SLC25A41: variants seen among roughly 807,000 people sequenced by gnomAD.
SLC25A41 encodes mitochondrial carrier protein SCaMC-3L.
In SLC25A41, 35 loss-of-function variants were observed where a neutral mutation model predicts 34.7. The ratio of observed to expected loss-of-function variants is 1.01; its 90% CI spans 0.77 to 1.34. SLC25A41 has a LOEUF of 1.34. Among genes scored for constraint, SLC25A41 ranks in the 40% most tolerant of loss-of-function variants. The pLI is 0.00. For missense variants in SLC25A41, 492 were observed against 489.8 expected (o/e 1.00, Z -0.04); for synonymous variants, 190 against 209.9 (o/e 0.91, Z 0.82).
Position 6,430,075 on chromosome 19 carries a change from C to A in SLC25A41, c.450G>T (p.Arg150=). 1 of 1,613,362 alleles carries A rather than the reference C, an allele frequency of 6.2e-7. No individual in the cohort carries two copies. Among genetic ancestry groups the A allele is most frequent in the Non-Finnish European group, 8.5e-7 (1 of 1,179,642 alleles). ...VQEGGFRSLW[R]GNGINVLKIA... ...TCTTGAGCACGTTGATGCCGTTGCC[C>A]CGCCACAGGGAGCGGAAGCCGCCCT... Residue 150 remains arginine (R), a synonymous_variant, in exon 3 of 7, where the codon CGG becomes CGT. Coordinates refer to ENST00000321510, the MANE Select transcript of SLC25A41 (RefSeq NM_173637.4).
Position 6,427,436 on chromosome 19 carries a change from C to T in SLC25A41, c.690G>A (p.Arg230=), listed in dbSNP as rs1487232444. ...GQYKGLLDCA[R]QILQREGTRA... is the part of the protein sequence containing the mutation. ...GGGTGCCCTCTCGCTGCAAGATCTG[C>T]CTGGCGCAGTCCAGCAGCCCCTTGT... Residue 230 remains arginine (R), a synonymous_variant, in exon 5 of 7, where the codon AGG becomes AGA. Transcript: ENST00000321510. This position sits in a 1 kb window ranked among gnomAD's most constrained non-coding sequence, Gnocchi z 4.9. 2 of 1,606,948 alleles carry T rather than the reference C, an allele frequency of 1.2e-6. No homozygotes were observed. Among genetic ancestry groups the T allele is most frequent in the African/African-American group, 1.3e-5 (1 of 74,834 alleles).
rs576265949 is a variant in SLC25A41 at position 6,426,516 on chromosome 19, C to T, written c.986G>A (p.Arg329Gln). 297 of 1,613,428 alleles carry T rather than the reference C, an allele frequency of 1.8e-4. No individual in the cohort carries two copies. Among genetic ancestry groups the T allele is most frequent in the Non-Finnish European group, 2.2e-4 (259 of 1,179,792 alleles). ...TAGCCAGCCCTGCTGGGCCAGGATCCGCTGGAGGACTCCGCGCATGGTGGG... is the reference window on the plus strand; with the variant it reads ...TAGCCAGCCCTGCTGGGCCAGGATCTGCTGGAGGACTCCGCGCATGGTGGG... ...SNPTMRGVLQ[R>Q]ILAQQGWLGL... Residue 329 changes from arginine to glutamine, a missense_variant, in exon 7 of 7, where the codon CGG becomes CAG. Arg to Gln is a conservative substitution (Grantham distance 43). Coordinates refer to ENST00000321510, the MANE Select transcript of SLC25A41 (RefSeq NM_173637.4).
At position 6,429,971 on chromosome 19, in the gene SLC25A41, G is replaced by C. The variant is rs780664176; in HGVS notation, c.516+38C>G. 16 of 1,604,732 alleles carry C rather than the reference G, an allele frequency of 1.0e-5. No individual in the cohort carries two copies. The South Asian group carries it at 1.7e-4, about 17-fold the overall frequency. On this transcript the variant is annotated intron_variant, in intron 3 of 6. Coordinates refer to ENST00000321510, the MANE Select transcript of SLC25A41 (RefSeq NM_173637.4). Reference sequence around the variant, plus strand: ...AGTTTTGGGGGCATGGGAGGGGTTTGGGCTTGAGCTGGGGGAAGCAGGCCC... The same window carrying C: ...AGTTTTGGGGGCATGGGAGGGGTTTCGGCTTGAGCTGGGGGAAGCAGGCCC...
At chr19:6,433,437 C>T (rs1453133781) in intron 1 of SLC25A41, 50 bp downstream of exon 1, 2 of 1,580,720 alleles carry the variant, frequency 1.3e-6, no homozygotes, top group African/African-American at 2.7e-5. Flanking sequence ...CTGGCCTCTC[C>T]CTGTAGTCCT....
chr19:6,431,988 C>G, intron 2 of SLC25A41, 61 bp downstream of exon 2: 1 of 1,561,870 alleles, frequency 6.4e-7, no homozygotes, highest in Non-Finnish European at 8.7e-7. Flanking sequence ...TCTGTCCTCA[C>G]CCCACGTTCT....
At chr19:6,433,896 A>T, upstream of SLC25A41, 1 of 473,648 alleles carries the variant, frequency 2.1e-6, no homozygotes. Flanking sequence ...CCCCAAACCA[A>T]TAAATATGTT....
intron 2 of SLC25A41, 45 bp downstream of exon 2, chr19:6,432,004 G>A (rs1184339198): frequency 1.3e-6 from 2 of 1,576,526 alleles, no homozygotes; most frequent in Non-Finnish European, 1.7e-6. Flanking sequence ...GTTCTCCCCA[G>A]TGGCTCCAGC....
rs753202653 is a variant in SLC25A41 at position 6,432,176 on chromosome 19, A to C, written c.236T>G (p.Val79Gly). 1 of 1,613,778 alleles carries C rather than the reference A, an allele frequency of 6.2e-7. No homozygotes were observed. The highest frequency in any genetic ancestry group is 1.7e-5 in the Admixed American group (1 of 59,978). Residue 79 changes from valine (V) to glycine (G), a missense_variant, in exon 2 of 7, where the codon GTC becomes GGC. Val to Gly is a moderately radical substitution (Grantham distance 109). Coordinates refer to ENST00000321510, the MANE Select transcript of SLC25A41 (RefSeq NM_173637.4). ...ATCCACTTCCAGGACTTCCACGGGGACCATCAGCTGCTCTCCTGTGTCCAG... is the reference window on the plus strand; with the variant it reads ...ATCCACTTCCAGGACTTCCACGGGGCCCATCAGCTGCTCTCCTGTGTCCAG... ...QVLDTGEQLM[V>G]PVEVLEVDNK...
chr19:6,433,822 T>C (rs1599261582), upstream of SLC25A41: 5 of 744,800 alleles, frequency 6.7e-6, no homozygotes, highest in East Asian at 1.4e-4. Flanking sequence ...AACGCCCCTG[T>C]GACCTTCCTA....
Position 6,432,012 on chromosome 19 carries a change from A to C in SLC25A41, c.363+37T>G, listed in dbSNP as rs761500142. 7.6e-6 allele frequency: 12 copies of C among 1,583,564 alleles called. No homozygotes were observed. The Admixed American group carries it at 2.1e-4, about 28-fold the overall frequency. ...ACCCCACGTTCTCCCCAGTGGCTCC[A>C]GCGCTGGGTCCCGTCCTCCCCCCAA... On this transcript the variant is annotated intron_variant, in intron 2 of 6. Transcript: ENST00000321510.
intron 4 of SLC25A41, 32 bp downstream of exon 4, chr19:6,429,691 GT>G: frequency 6.7e-7 from 1 of 1,501,408 alleles, no homozygotes; most frequent in Non-Finnish European, 9.0e-7. Flanking sequence ...TTTCCACGGC[GT>G]TTCCTCACCT....
At chr19:6,432,943 C>T (rs1435254359) in intron 1 of SLC25A41, among the ~76,000 whole-genome samples, 1 of 152,108 alleles carries the variant, frequency 6.6e-6, no homozygotes, top group Non-Finnish European at 1.5e-5. Context: ...GCTGGGATTA[C>T]AGGTGTGAGC....
Position 6,427,047 on chromosome 19 carries a change from C to T in SLC25A41, c.940+56G>A. ...GTTTTGGGGTATGAGAAAATTGAGA[C>T]AGCCAGGGTGGGGCGGGGAAGGGGC... On this transcript the variant is annotated intron_variant, in intron 6 of 6. Coordinates refer to ENST00000321510, the MANE Select transcript of SLC25A41 (RefSeq NM_173637.4). This position sits in a 1 kb window ranked among gnomAD's most constrained non-coding sequence, Gnocchi z 4.9. The T allele has an allele frequency of 2.0e-6, 3 of 1,534,654 alleles. No individual in the cohort carries two copies. The highest frequency in any genetic ancestry group is 2.6e-6 in the Non-Finnish European group (3 of 1,135,756).
In SLC25A41 at chr19:6,429,075, A is replaced by T. The variant is rs1343537407; in HGVS notation, c.624+649T>A. On this transcript the variant is annotated intron_variant, in intron 4 of 6. Coordinates refer to ENST00000321510, the MANE Select transcript of SLC25A41 (RefSeq NM_173637.4). ...TATATATATGTTATATATATATATA[A>T]TATATATATTATATATATGTTACAT... Among the ~76,000 whole-genome samples, 322 of 53,702 alleles carry T rather than the reference A, an allele frequency of 6.0e-3. 76 individuals are homozygous for T. Among genetic ancestry groups the T allele is most frequent in the South Asian group, 9.7e-3 (23 of 2,364 alleles). 35.2% of individuals were successfully genotyped at this position (53,702 alleles called of 152,430 possible). A position where few individuals can be genotyped will look rare whatever the true frequency, so the allele number is the denominator to read the frequency against.
rs1178560438 is a variant in SLC25A41, at chr19:6,429,154, TTATATATATAATATATATATAA to T, written c.624+548_624+569del. ...GTTATATATATATATAATATATATA[TTATATATATAATATATATATAA>T]TATATATATGTTATATATATAATAT... On this transcript the variant is annotated intron_variant, in intron 4 of 6. Coordinates refer to ENST00000321510, the MANE Select transcript of SLC25A41 (RefSeq NM_173637.4). Among the ~76,000 whole-genome samples the T allele has an allele frequency of 9.8e-3, 433 of 44,340 alleles. 99 individuals carry two copies. Among genetic ancestry groups the T allele is most frequent in the African/African-American group, 0.048 (409 of 8,572 alleles). 29.1% of individuals were successfully genotyped at this position (44,340 alleles called of 152,430 possible).
chr19:6,426,970 T>C, intron 6 of SLC25A41, 133 bp downstream of exon 6: 2 of 1,019,592 alleles, frequency 2.0e-6, no homozygotes, highest in Non-Finnish European at 2.8e-6. Flanking sequence ...AGACGCAGTC[T>C]CAAAAGTTAT....
Position 6,426,330 on chromosome 19 carries a change from A to T in SLC25A41, c.*59T>A, listed in dbSNP as rs2092239856. ...GAGGCCTCGAGGGCTCTTTGGGGCC[A>T]GGGGTCATCAGGTCCTCCTGTCCCA... On this transcript the variant is annotated 3_prime_UTR_variant, in exon 7 of 7. Transcript: ENST00000321510. 1.7e-5 allele frequency: 25 copies of T among 1,437,556 alleles called. No individual in the cohort carries two copies. The highest frequency in any genetic ancestry group is 2.1e-5 in the Non-Finnish European group (23 of 1,070,128). The allele number at this position is 1,437,556 out of a possible 1,614,324, so 89.1% of individuals were successfully genotyped here.
intron 4 of SLC25A41, 52 bp downstream of exon 4, chr19:6,429,672 G>A: frequency 1.5e-6 from 2 of 1,363,384 alleles, no homozygotes; most frequent in East Asian, 2.4e-5. Context: ...CAGCAACGTG[G>A]GTAACTAGTT....
Position 6,427,558 on chromosome 19 carries a change from GGGGTA to G in SLC25A41, c.625-62_625-58del. ...TGATTGAATCCTGTCAATGACCCTC[GGGGTA>G]GCCATTGTCCCCACCCTACAAACAA... On this transcript the variant is annotated intron_variant, in intron 4 of 6. Transcript: ENST00000321510. This position sits in a 1 kb window ranked among gnomAD's most constrained non-coding sequence, Gnocchi z 4.9. 1 of 1,438,434 alleles carries G rather than the reference GGGGTA, an allele frequency of 7.0e-7. No individual in the cohort carries two copies. Among genetic ancestry groups the G allele is most frequent in the Non-Finnish European group, 9.2e-7 (1 of 1,088,724 alleles). 89.1% of individuals were successfully genotyped at this position (1,438,434 alleles called of 1,614,324 possible). A position where few individuals can be genotyped will look rare whatever the true frequency, so the allele number is the denominator to read the frequency against.
Sources: gnomAD v4.1 joint callset for allele counts (sites outside exome capture counted in the v4.1 genomes callset) on GRCh38, gnomAD v4.1.1 for gene constraint, Gnocchi (gnomAD v3.1) non-coding constraint, MANE v1.5 for transcripts, NCBI Gene and HGNC (gene_info 2026-07-23, HGNC 2026-07-21) for gene names.